The following KCNJ6 variants were observed in gnomAD, a reference collection of about 807,000 sequenced individuals.
KCNJ6 encodes the protein potassium inwardly rectifying channel subfamily J member 6.
In KCNJ6, 9 loss-of-function variants were observed where a neutral mutation model predicts 34.2. The ratio of observed to expected loss-of-function variants is 0.26; its 90% CI spans 0.16 to 0.46. The LOEUF is 0.46. Ranked by LOEUF, KCNJ6 falls within the 20% of genes least tolerant of loss-of-function variation. KCNJ6 has a pLI of 1.00. For synonymous variants in KCNJ6, 196 were observed against 207.1 expected (o/e 0.95, Z 0.46); for missense variants, 236 against 531.3 (o/e 0.44, Z 5.46).
At chr21:37,879,714 AGTGTGTGTGTGTGTGTGT>A (rs56736533) in intron 1 of KCNJ6, among the ~76,000 whole-genome samples, 48 of 143,378 alleles carry the variant, frequency 3.3e-4, no homozygotes, top group African/African-American at 5.8e-4. Context: ...CTTGAAATGA[AGTGTGTGTGTGTGTGTGT>A]GTGTGTGTGT....
At chr21:37,781,198 A>G (rs1433693216) in intron 2 of KCNJ6, among the ~76,000 whole-genome samples, 1 of 152,222 alleles carries the variant, frequency 6.6e-6, no homozygotes. Context: ...TCATGACGGA[A>G]GCTTCTTGAC....
intron 3 of KCNJ6, among the ~76,000 whole-genome samples, chr21:37,670,917 T>C (rs1021262951): frequency 2.6e-5 from 4 of 152,104 alleles, no homozygotes; most frequent in African/African-American, 7.2e-5. Context: ...GGTTTGAACT[T>C]AGGTATTTTA....
chr21:37,812,931 A>G (rs1383358245), intron 2 of KCNJ6, among the ~76,000 whole-genome samples: 8 of 152,226 alleles, frequency 5.3e-5, no homozygotes. Context: ...CAGACAAGAG[A>G]AAGAAGTAAA....
chr21:37,896,748 C>G (rs2055790318), intron 1 of KCNJ6, among the ~76,000 whole-genome samples: 1 of 152,110 alleles, frequency 6.6e-6, no homozygotes, highest in Non-Finnish European at 1.5e-5. Flanking sequence ...CAGTGTCTGT[C>G]AGAGGAAGAG....
chr21:37,723,942 A>G (rs867654833), intron 2 of KCNJ6, among the ~76,000 whole-genome samples: 24 of 152,326 alleles, frequency 1.6e-4, no homozygotes, highest in African/African-American at 3.1e-4. Flanking sequence ...AATAAAAAAA[A>G]AAAAGAAAAG....
chr21:37,770,108 A>G (rs1446498425), intron 2 of KCNJ6, among the ~76,000 whole-genome samples: 1 of 152,208 alleles, frequency 6.6e-6, no homozygotes, highest in Non-Finnish European at 1.5e-5. Context: ...AACTAGGGTT[A>G]CCAGCCCCTG....
At chr21:37,631,338 GT>G (rs2054332852) in intron 3 of KCNJ6, among the ~76,000 whole-genome samples, 2 of 152,184 alleles carry the variant, frequency 1.3e-5, no homozygotes, top group Non-Finnish European at 2.9e-5. Flanking sequence ...TGCTTCCAGC[GT>G]CATGTCTGTC....
chr21:37,737,014 C>T (rs1346401202), intron 2 of KCNJ6, among the ~76,000 whole-genome samples: 2 of 152,128 alleles, frequency 1.3e-5, no homozygotes, highest in Non-Finnish European at 2.9e-5. Flanking sequence ...GTTGGGGGCA[C>T]GATGCTTTTC....
At chr21:37,644,583 G>A (rs1312155312) in intron 3 of KCNJ6, among the ~76,000 whole-genome samples, 1 of 152,138 alleles carries the variant, frequency 6.6e-6, no homozygotes, top group Admixed American at 6.5e-5. Flanking sequence ...ATATTTTTAG[G>A]TCTATGAATC....
chr21:37,774,699 A>T (rs1178150667), intron 2 of KCNJ6, among the ~76,000 whole-genome samples: 1 of 152,206 alleles, frequency 6.6e-6, no homozygotes, highest in Non-Finnish European at 1.5e-5. Flanking sequence ...TTATGGCTGC[A>T]TAGTATTCCA....
At chr21:37,828,896 G>A (rs928817015) in intron 2 of KCNJ6, among the ~76,000 whole-genome samples, 1 of 152,170 alleles carries the variant, frequency 6.6e-6, no homozygotes, top group Admixed American at 6.5e-5. Context: ...TTTTCTCTTG[G>A]CCACACATCT....
chr21:37,793,825 G>A (rs1380555706), intron 2 of KCNJ6, among the ~76,000 whole-genome samples: 1 of 152,240 alleles, frequency 6.6e-6, no homozygotes, highest in African/African-American at 2.4e-5. Context: ...GCAAGGGCCG[G>A]TGCCTAACTC....
At chr21:37,686,271 G>A (rs929646241) in intron 3 of KCNJ6, among the ~76,000 whole-genome samples, 1 of 152,014 alleles carries the variant, frequency 6.6e-6, no homozygotes, top group Non-Finnish European at 1.5e-5. Context: ...TTGAGGAGGG[G>A]GACAGGTGAA....
intron 1 of KCNJ6, among the ~76,000 whole-genome samples, chr21:37,878,673 G>A (rs1267988130): frequency 6.6e-6 from 1 of 152,220 alleles, no homozygotes; most frequent in African/African-American, 2.4e-5. Flanking sequence ...GTTGAAATTT[G>A]ATCAAGGTAC....
chr21:37,715,389 G>A (rs897968638), intron 2 of KCNJ6, among the ~76,000 whole-genome samples: 8 of 152,186 alleles, frequency 5.3e-5, no homozygotes, highest in Non-Finnish European at 1.2e-4. Flanking sequence ...GCAAAATTGT[G>A]TCCCTGCCAG....
chr21:37,913,448 GTGT>G (rs2055876594), intron 1 of KCNJ6, among the ~76,000 whole-genome samples: 1 of 152,222 alleles, frequency 6.6e-6, no homozygotes, highest in African/African-American at 2.4e-5. Flanking sequence ...AAGCTCACCA[GTGT>G]TGTTTTGATT....
chr21:37,820,471 G>C (rs2055368507), intron 2 of KCNJ6, among the ~76,000 whole-genome samples: 1 of 152,156 alleles, frequency 6.6e-6, no homozygotes, highest in Non-Finnish European at 1.5e-5. Context: ...GATTTACTAT[G>C]GATTTGCTGT....
At chr21:37,809,520 TATA>T (rs954462780) in intron 2 of KCNJ6, among the ~76,000 whole-genome samples, 12 of 152,036 alleles carry the variant, frequency 7.9e-5, no homozygotes, top group African/African-American at 2.4e-4. Context: ...AAACTTAAAG[TATA>T]ATAATAATAA....
rs1569430101 is a variant in KCNJ6 at position 37,617,064 on chromosome 21, TTTCTTTTC to T, written c.*8087_*8094del. ...TCTTTCTTTCTTTCTTTTCTTTTCTTTTCTTTTCTTTTCTTTCTTTTTCTTTCTTTCTT... is the reference window on the plus strand; with the variant it reads ...TCTTTCTTTCTTTCTTTTCTTTTCTTTTTTCTTTCTTTTTCTTTCTTTCTT... On this transcript the variant is annotated 3_prime_UTR_variant, in exon 4 of 4. Transcript: ENST00000609713. 10 of 78,024 alleles carry T rather than the reference TTTCTTTTC, an allele frequency of 1.3e-4. No individual in the cohort carries two copies. Among genetic ancestry groups the T allele is most frequent in the African/African-American group, 3.4e-4 (10 of 29,514 alleles). The allele number at this position is 78,024 out of a possible 1,614,324, so 4.8% of individuals were successfully genotyped here. A position where few individuals can be genotyped will look rare whatever the true frequency, so the allele number is the denominator to read the frequency against.
Sources: allele counts gnomAD v4.1 joint callset (sites outside exome capture counted in the v4.1 genomes callset), GRCh38; gene constraint gnomAD v4.1.1; transcripts MANE v1.5; gene names NCBI Gene and HGNC (gene_info 2026-07-23, HGNC 2026-07-21).